The following MARCHF1 variants were observed in gnomAD, a reference collection of about 807,000 sequenced individuals.
The protein encoded by MARCHF1 is membrane associated ring-CH-type finger 1, also known as E3 ubiquitin-protein ligase MARCHF1.
Under a neutral mutation model 54.2 loss-of-function variants are expected in MARCHF1, and 40 were observed. The observed-to-expected ratio is 0.74, with a 90% CI of 0.57 to 0.96. MARCHF1 has a LOEUF of 0.96. Ranked by LOEUF, MARCHF1 falls within the 40% of genes least tolerant of loss-of-function variation. The pLI, the probability that MARCHF1 is intolerant of heterozygous loss-of-function variation, is 0.00. For synonymous variants in MARCHF1, 236 were observed against 236.3 expected, an observed-to-expected ratio of 1.00 and a Z score of 0.01; for missense variants, 586 against 656.5, an observed-to-expected ratio of 0.89 and a Z score of 1.17.
At chr4:163,700,200 C>T (rs1744763385) in intron 5 of MARCHF1, among the ~76,000 whole-genome samples, 1 of 152,012 alleles carries the variant, frequency 6.6e-6, no homozygotes, top group Non-Finnish European at 1.5e-5. Context: ...ACATACTTTA[C>T]ATAATACTAT....
rs571585365 is a variant in MARCHF1, at chr4:163,744,670, G to C, written c.112-43807C>G. ...ATTGCTTACATTATAAATTAGAAGA[G>C]AGTGAAGTCAGATTTTACAAGAAAA... On this transcript the variant is annotated intron_variant, in intron 4 of 9. Coordinates refer to ENST00000514618, the MANE Select transcript of MARCHF1 (RefSeq NM_001394959.1). Among the ~76,000 whole-genome samples the C allele has an allele frequency of 2.6e-5, 4 of 152,192 alleles. No homozygotes were observed. In the South Asian group the frequency reaches 6.2e-4, roughly 24 times the overall value.
chr4:163,721,098 T>C (rs1381808684), intron 4 of MARCHF1, among the ~76,000 whole-genome samples: 2 of 152,208 alleles, frequency 1.3e-5, no homozygotes, highest in East Asian at 1.9e-4. Flanking sequence ...GGCATCCCTG[T>C]ATTGTGCCGG....
intron 1 of MARCHF1, among the ~76,000 whole-genome samples, chr4:164,272,315 C>T (rs1049241150): frequency 6.6e-6 from 1 of 151,856 alleles, no homozygotes; most frequent in African/African-American, 2.4e-5. Flanking sequence ...GAAGTAAATA[C>T]AAAACGATTA....
chr4:163,915,716 C>G (rs1751293005), intron 3 of MARCHF1, among the ~76,000 whole-genome samples: 4 of 152,064 alleles, frequency 2.6e-5, no homozygotes, highest in African/African-American at 9.7e-5. Flanking sequence ...TAAAACAATT[C>G]TAACAATAGA....
chr4:164,092,140 C>T (rs1454669425), intron 2 of MARCHF1, among the ~76,000 whole-genome samples: 2 of 152,080 alleles, frequency 1.3e-5, no homozygotes, highest in Non-Finnish European at 2.9e-5. Flanking sequence ...TAATGAGGCT[C>T]AATGATTGTA....
intron 7 of MARCHF1, among the ~76,000 whole-genome samples, chr4:163,605,776 A>G (rs954219919): frequency 6.6e-6 from 1 of 152,140 alleles, no homozygotes; most frequent in African/African-American, 2.4e-5. Flanking sequence ...TGAAGCTGGA[A>G]ACCATCATTC....
intron 3 of MARCHF1, among the ~76,000 whole-genome samples, chr4:163,976,933 A>G (rs993555352): frequency 1.3e-5 from 2 of 152,130 alleles, no homozygotes; most frequent in Admixed American, 6.6e-5. Context: ...GCACTGTTCA[A>G]ATTTCTGACC....
intron 4 of MARCHF1, among the ~76,000 whole-genome samples, chr4:163,722,933 G>T (rs1745525719): frequency 6.6e-6 from 1 of 152,106 alleles, no homozygotes; most frequent in Non-Finnish European, 1.5e-5. Flanking sequence ...CAAGTGAGAT[G>T]GGTTTCCTGA....
intron 1 of MARCHF1, among the ~76,000 whole-genome samples, chr4:164,283,822 G>A (rs751598471): frequency 3.6e-4 from 55 of 150,992 alleles, no homozygotes; most frequent in Non-Finnish European, 7.2e-4. Flanking sequence ...GGGTCATGAA[G>A]AAGGGGATAT....
chr4:164,344,512 TA>T (rs1029800599), intron 1 of MARCHF1, among the ~76,000 whole-genome samples: 5 of 151,964 alleles, frequency 3.3e-5, no homozygotes, highest in African/African-American at 1.2e-4. Context: ...TTTTGAAAAC[TA>T]AAGTGAAGAC....
intron 2 of MARCHF1, among the ~76,000 whole-genome samples, chr4:164,042,593 A>G (rs1236853592): frequency 1.3e-5 from 2 of 152,092 alleles, no homozygotes; most frequent in African/African-American, 4.8e-5. Flanking sequence ...ACACAAATCC[A>G]AACCATATAT....
At chr4:163,955,741 C>G (rs1356040921) in intron 3 of MARCHF1, among the ~76,000 whole-genome samples, 1 of 152,126 alleles carries the variant, frequency 6.6e-6, no homozygotes, top group East Asian at 1.9e-4. Flanking sequence ...GTGACCCTCT[C>G]TAGGATAAGC....
chr4:163,586,748 G>A (rs1740425736), intron 7 of MARCHF1, among the ~76,000 whole-genome samples: 1 of 151,980 alleles, frequency 6.6e-6, no homozygotes, highest in Non-Finnish European at 1.5e-5. Flanking sequence ...ATTATCATTT[G>A]GTAAACTTTA....
chr4:163,580,835 G>A (rs1220216390), intron 8 of MARCHF1, among the ~76,000 whole-genome samples: 3 of 110,526 alleles, frequency 2.7e-5, no homozygotes, highest in Admixed American at 1.9e-4. Context: ...TCGCTCTGTC[G>A]CCCAGGTCGG....
At chr4:164,130,895 T>C (rs908680978) in intron 1 of MARCHF1, among the ~76,000 whole-genome samples, 3 of 152,200 alleles carry the variant, frequency 2.0e-5, no homozygotes, top group Admixed American at 6.6e-5. Context: ...CATGTTTAAA[T>C]GTTATAAGCT....
chr4:164,113,824 T>C (rs984506885), intron 1 of MARCHF1, among the ~76,000 whole-genome samples: 1 of 152,024 alleles, frequency 6.6e-6, no homozygotes, highest in African/African-American at 2.4e-5. Context: ...AAGTAAAAAG[T>C]GAAATACTGG....
intron 1 of MARCHF1, among the ~76,000 whole-genome samples, chr4:164,357,905 G>T (rs1730607906): frequency 6.6e-6 from 1 of 152,030 alleles, no homozygotes; most frequent in East Asian, 1.9e-4. Flanking sequence ...TCATTTTCTA[G>T]AAAGAAACAT....
chr4:163,930,222 T>A (rs1047128060), intron 3 of MARCHF1, among the ~76,000 whole-genome samples: 2 of 150,940 alleles, frequency 1.3e-5, no homozygotes, highest in Non-Finnish European at 2.9e-5. Flanking sequence ...CAACCCTCAT[T>A]TCTTGGGGTG....
intron 2 of MARCHF1, among the ~76,000 whole-genome samples, chr4:164,102,736 A>C (rs929567317): frequency 1.3e-4 from 20 of 151,766 alleles, no homozygotes; most frequent in Middle Eastern, 3.2e-3. Flanking sequence ...CTAACATCAT[A>C]ATGACAGGAT....
Sources: gnomAD v4.1 joint callset for allele counts (sites outside exome capture counted in the v4.1 genomes callset) on GRCh38, gnomAD v4.1.1 for gene constraint, MANE v1.5 for transcripts, NCBI Gene and HGNC (gene_info 2026-07-23, HGNC 2026-07-21) for gene names.